KLHL7: variants seen among roughly 807,000 people sequenced by gnomAD.
KLHL7 encodes kelch-like protein 7.
In KLHL7, 44 loss-of-function variants were observed where a neutral mutation model predicts 67.4. The observed-to-expected ratio is 0.65, with a 90% confidence interval of 0.51 to 0.84. The LOEUF is 0.84. Ranked by LOEUF, KLHL7 falls within the 40% of genes least tolerant of loss-of-function variation. The probability of loss-of-function intolerance (pLI) is 0.00; values close to 1 mark genes in which losing one functional copy is unlikely to be tolerated. For synonymous variants in KLHL7, 252 were observed against 243.3 expected (o/e 1.04, Z -0.33); for missense variants, 362 against 718.1 (o/e 0.50, Z 5.67).
intron 4 of KLHL7, among the ~76,000 whole-genome samples, chr7:23,135,327 T>G (rs969228817): frequency 1.3e-5 from 2 of 152,204 alleles, no homozygotes. Flanking sequence ...TTTAAATGTT[T>G]TAAGACTTGT....
intron 6 of KLHL7, among the ~76,000 whole-genome samples, chr7:23,150,557 G>T (rs1784500061): frequency 6.6e-6 from 1 of 151,988 alleles, no homozygotes; most frequent in East Asian, 1.9e-4. Flanking sequence ...CACATATAAT[G>T]TTCTATTGTA....
chr7:23,152,342 A>G (rs926906545), intron 7 of KLHL7, 133 bp downstream of exon 7: 53 of 804,362 alleles, frequency 6.6e-5, no homozygotes, highest in Non-Finnish European at 7.7e-5. Context: ...CACATATGTT[A>G]TGAGATACAT....
chr7:23,126,523 A>G (rs1405355624), intron 4 of KLHL7, among the ~76,000 whole-genome samples: 1 of 152,192 alleles, frequency 6.6e-6, no homozygotes, highest in East Asian at 1.9e-4. Context: ...GTGCTAAGAT[A>G]TTTGACCCAG....
chr7:23,125,897 A>T, intron 4 of KLHL7: 1 of 1,528,352 alleles, frequency 6.5e-7, no homozygotes, highest in Non-Finnish European at 8.9e-7. Flanking sequence ...ACGTTCCAAG[A>T]CCCCCAGTGA....
In KLHL7 at chr7:23,174,369, G is replaced by A; in HGVS notation, c.*71G>A. The A allele has an allele frequency of 6.4e-7, 1 of 1,555,562 alleles. No individual in the cohort carries two copies. Among genetic ancestry groups the A allele is most frequent in the South Asian group, 1.1e-5 (1 of 89,290 alleles). The stretch of plus-strand genomic sequence containing the variant: ...ACCAGTGCTTTGTTCCAGGAGTTTG[G>A]TGACAAAGTTTTGGTTTGGTGTTTT... On this transcript the variant is annotated 3_prime_UTR_variant, in exon 11 of 11. Transcript: ENST00000339077.
At position 23,149,738 on chromosome 7, in the gene KLHL7, G is replaced by T. The variant is rs187136723; in HGVS notation, c.794-2329G>T. Among the ~76,000 whole-genome samples the T allele has an allele frequency of 1.7e-4, 26 of 152,266 alleles. No homozygotes were observed. The East Asian group carries it at 5.0e-3, about 29-fold the overall frequency. On this transcript the variant is annotated intron_variant, in intron 6 of 10. Transcript: ENST00000339077. ...AGAATATTCCACAGAAACCATATGTGGCCTGCAAAGTCTATCTGTCCCTTT... is the reference window on the plus strand; with the variant it reads ...AGAATATTCCACAGAAACCATATGTTGCCTGCAAAGTCTATCTGTCCCTTT...
intron 4 of KLHL7, chr7:23,129,266 A>G (rs944246322): frequency 1.2e-5 from 3 of 252,602 alleles, no homozygotes; most frequent in Admixed American, 5.6e-5. Context: ...TACATCACCA[A>G]ACACTTCAAG....
At chr7:23,123,440 C>T (rs1783432835) in intron 1 of KLHL7, among the ~76,000 whole-genome samples, 2 of 151,372 alleles carry the variant, frequency 1.3e-5, no homozygotes, top group Non-Finnish European at 2.9e-5. Context: ...ATTGAATTTC[C>T]CCCAGAAAAG....
Position 23,176,430 on chromosome 7 carries a change from G to C in KLHL7, c.*2132G>C, listed in dbSNP as rs1470737067. Reference sequence around the variant, plus strand: ...GGACAACATAGGAGCCAGACACAGTGGCTCAGGCCGGTAATTTCAACACTT... The same window carrying C: ...GGACAACATAGGAGCCAGACACAGTCGCTCAGGCCGGTAATTTCAACACTT... On this transcript the variant is annotated 3_prime_UTR_variant, in exon 11 of 11. Coordinates refer to ENST00000339077, the MANE Select transcript of KLHL7 (RefSeq NM_001031710.3). The C allele has an allele frequency of 6.6e-6, 1 of 152,242 alleles. No homozygotes were observed. The highest frequency in any genetic ancestry group is 2.4e-5 in the African/African-American group (1 of 41,424). 9.4% of individuals were successfully genotyped at this position (152,242 alleles called of 1,614,324 possible).
chr7:23,137,571 C>A (rs1170100600), intron 4 of KLHL7, among the ~76,000 whole-genome samples: 2 of 150,310 alleles, frequency 1.3e-5, no homozygotes, highest in Non-Finnish European at 3.0e-5. Context: ...CTCCGCCTCC[C>A]AGGCTCAAGT....
intron 1 of KLHL7, among the ~76,000 whole-genome samples, chr7:23,122,285 C>T: frequency 6.6e-6 from 1 of 152,090 alleles, no homozygotes. Context: ...CCATAGATTT[C>T]TCCCCATGAT....
intron 9 of KLHL7, among the ~76,000 whole-genome samples, chr7:23,171,732 C>T (rs969694097): frequency 2.0e-5 from 3 of 152,148 alleles, no homozygotes; most frequent in African/African-American, 7.2e-5. Context: ...TTTTTTGAGA[C>T]GGCGTCTGCC....
intron 7 of KLHL7, 44 bp from the exon 8 acceptor site, chr7:23,165,654 T>C (rs371291198): frequency 8.1e-5 from 130 of 1,608,008 alleles, no homozygotes; most frequent in Non-Finnish European, 1.0e-4. Context: ...TTTTCAGTTA[T>C]ATTTTTTTCC....
Position 23,146,470 on chromosome 7 carries a change from G to A in KLHL7, c.793+2445G>A, listed in dbSNP as rs554070584. On this transcript the variant is annotated intron_variant, in intron 6 of 10. Coordinates refer to ENST00000339077, the MANE Select transcript of KLHL7 (RefSeq NM_001031710.3). ...TTGTTGTTTGGGATAGCTTTCAAGA[G>A]AAGAGGAGAAAAAGGATCTTAAAAT... Among the ~76,000 whole-genome samples the A allele has an allele frequency of 5.3e-5, 8 of 152,304 alleles. No homozygotes were observed. In the East Asian group the frequency reaches 1.5e-3, roughly 29 times the overall value.
chr7:23,147,866 G>A (rs1005217607), intron 6 of KLHL7, among the ~76,000 whole-genome samples: 1 of 152,178 alleles, frequency 6.6e-6, no homozygotes, highest in East Asian at 1.9e-4. Context: ...ACCTCTACCT[G>A]AAGCTGAAGT....
chr7:23,160,813 A>G (rs1257447899), intron 7 of KLHL7, among the ~76,000 whole-genome samples: 1 of 152,224 alleles, frequency 6.6e-6, no homozygotes, highest in African/African-American at 2.4e-5. Context: ...ATATTTCAAA[A>G]TATGTATACA....
intron 9 of KLHL7, chr7:23,171,251 G>T (rs858264): frequency 1.1e-5 from 2 of 187,766 alleles, no homozygotes; most frequent in South Asian, 7.3e-5. Context: ...TACTCTGCAT[G>T]TGAATTATAG....
chr7:23,105,867 C>T lies in KLHL7; in HGVS notation c.-160C>T. 1.8e-6 allele frequency: 2 copies of T among 1,081,484 alleles called. No homozygotes were observed. Among genetic ancestry groups the T allele is most frequent in the Non-Finnish European group, 2.7e-6 (2 of 739,664 alleles). 67.0% of individuals were successfully genotyped at this position (1,081,484 alleles called of 1,614,324 possible). ...GGGGCCGCCCGGCCTTGTCTTTCGGCAGTGGCCGAGCCACCGCCGCCTGCC... is the reference window on the plus strand; with the variant it reads ...GGGGCCGCCCGGCCTTGTCTTTCGGTAGTGGCCGAGCCACCGCCGCCTGCC... On this transcript the variant is annotated 5_prime_UTR_variant, in exon 1 of 11. Transcript: ENST00000339077.
chr7:23,139,051 T>C (rs1289682746), intron 4 of KLHL7, among the ~76,000 whole-genome samples: 5 of 142,584 alleles, frequency 3.5e-5, no homozygotes, highest in Admixed American at 7.0e-5. Context: ...CAAACACATA[T>C]AACATTTTAG....
Sources: gnomAD v4.1 joint callset for allele counts (sites outside exome capture counted in the v4.1 genomes callset) on GRCh38, gnomAD v4.1.1 for gene constraint, MANE v1.5 for transcripts, NCBI Gene and HGNC (gene_info 2026-07-23, HGNC 2026-07-21) for gene names.